Variants in WDR41 observed in about 807,000 individuals in gnomAD.
The protein encoded by WDR41 is WD repeat domain 41, also known as WD repeat-containing protein 41.
Under a neutral mutation model 69.3 loss-of-function variants are expected in WDR41, and 63 were observed. The ratio of observed to expected loss-of-function variants is 0.91; its 90% CI spans 0.74 to 1.12. The LOEUF is 1.12. Among genes scored for constraint, WDR41 ranks in the 50% most tolerant of loss-of-function variants. The probability of loss-of-function intolerance (pLI) is 0.00; values close to 1 mark genes in which losing one functional copy is unlikely to be tolerated. For missense variants in WDR41, 543 were observed against 534.5 expected, an observed-to-expected ratio of 1.02 and a Z score of -0.16; for synonymous variants, 185 against 192.1, an observed-to-expected ratio of 0.96 and a Z score of 0.31.
intron 9 of WDR41, 40 bp from the exon 10 acceptor site, chr5:77,438,401 T>C (rs200395262): frequency 5.9e-5 from 95 of 1,609,472 alleles, no homozygotes; most frequent in Non-Finnish European, 7.5e-5. Flanking sequence ...AAACTAGCAC[T>C]CACCCTTCCT....
intron 1 of WDR41, among the ~76,000 whole-genome samples, chr5:77,554,018 G>C (rs1007289770): frequency 6.6e-6 from 1 of 152,122 alleles, no homozygotes; most frequent in African/African-American, 2.4e-5. Flanking sequence ...ATTTGTTATT[G>C]CTAAAAACTG....
intron 8 of WDR41, among the ~76,000 whole-genome samples, chr5:77,445,309 C>T (rs552712416): frequency 1.8e-4 from 27 of 152,170 alleles, no homozygotes; most frequent in African/African-American, 6.0e-4. Context: ...CAAAAAAAGC[C>T]CAGGACCAGA....
intron 1 of WDR41, among the ~76,000 whole-genome samples, chr5:77,502,616 G>C (rs1802037479): frequency 6.6e-6 from 1 of 152,232 alleles, no homozygotes; most frequent in Admixed American, 6.5e-5. Context: ...AGGGCAGCCA[G>C]AGAGAAAGGT....
chr5:77,449,315 C>CA (rs1411826476), intron 8 of WDR41, among the ~76,000 whole-genome samples: 2 of 152,156 alleles, frequency 1.3e-5, no homozygotes, highest in Admixed American at 6.5e-5. Flanking sequence ...TGAGAGTCTT[C>CA]AACCAGGATT....
intron 2 of WDR41, among the ~76,000 whole-genome samples, chr5:77,467,328 G>T (rs2151329657): frequency 6.6e-6 from 1 of 152,048 alleles, no homozygotes; most frequent in African/African-American, 2.4e-5. Context: ...AGCAAAAAAT[G>T]TATTCAGTGT....
At chr5:77,520,831 A>G (rs541569879) in intron 1 of WDR41, among the ~76,000 whole-genome samples, 98 of 152,330 alleles carry the variant, frequency 6.4e-4, no homozygotes, top group African/African-American at 2.3e-3. Context: ...ACCTAGAAAT[A>G]GACTTTATTT....
chr5:77,598,616 T>G (rs1203660693), intron 1 of WDR41, among the ~76,000 whole-genome samples: 1 of 151,508 alleles, frequency 6.6e-6, no homozygotes, highest in Non-Finnish European at 1.5e-5. Context: ...CAAGCTGGCC[T>G]TTGAAGTTAT....
At chr5:77,473,152 C>T (rs1268853902) in intron 2 of WDR41, among the ~76,000 whole-genome samples, 2 of 152,158 alleles carry the variant, frequency 1.3e-5, no homozygotes, top group African/African-American at 2.4e-5. Flanking sequence ...TATCTACAAC[C>T]ATCTGATCTT....
intron 2 of WDR41, among the ~76,000 whole-genome samples, chr5:77,478,332 A>C (rs537938469): frequency 6.6e-6 from 1 of 152,320 alleles, no homozygotes; most frequent in South Asian, 2.1e-4. Flanking sequence ...TTATGAGGCC[A>C]GCATCATCCT....
At chr5:77,575,849 C>T (rs1743821237) in intron 1 of WDR41, among the ~76,000 whole-genome samples, 1 of 152,120 alleles carries the variant, frequency 6.6e-6, no homozygotes, top group African/African-American at 2.4e-5. Context: ...ATTTTCTGCA[C>T]TATCATATAT....
At chr5:77,606,470 C>G (rs910942172) in intron 1 of WDR41, among the ~76,000 whole-genome samples, 1 of 152,126 alleles carries the variant, frequency 6.6e-6, no homozygotes, top group African/African-American at 2.4e-5. Flanking sequence ...CAAATGGATA[C>G]AGGAACAAAC....
intron 2 of WDR41, among the ~76,000 whole-genome samples, chr5:77,474,706 T>C (rs1174198144): frequency 2.0e-5 from 3 of 152,228 alleles, no homozygotes; most frequent in Non-Finnish European, 4.4e-5. Context: ...AAAGATTGCA[T>C]AGTTCCCATG....
chr5:77,585,127 GA>G (rs537337720), intron 1 of WDR41, among the ~76,000 whole-genome samples: 138 of 137,948 alleles, frequency 1.0e-3, no homozygotes, highest in Non-Finnish European at 1.2e-3. Context: ...AAATCAGTAA[GA>G]AAAAAAAAAA....
At chr5:77,524,680 T>A (rs567080530) in intron 1 of WDR41, among the ~76,000 whole-genome samples, 1 of 152,268 alleles carries the variant, frequency 6.6e-6, no homozygotes. Flanking sequence ...TTCAGTCTAG[T>A]TTTCCTCAAC....
intron 1 of WDR41, among the ~76,000 whole-genome samples, chr5:77,510,275 C>T (rs1328924992): frequency 1.3e-5 from 2 of 152,202 alleles, no homozygotes; most frequent in South Asian, 2.1e-4. Context: ...CATCAGATCT[C>T]GTGAGACCCA....
intron 1 of WDR41, among the ~76,000 whole-genome samples, chr5:77,500,460 A>C (rs1802001194): frequency 6.6e-6 from 1 of 152,196 alleles, no homozygotes; most frequent in African/African-American, 2.4e-5. Context: ...AAAAAATAAA[A>C]GATAAAAATT....
chr5:77,601,026 A>G (rs145664056), intron 1 of WDR41, among the ~76,000 whole-genome samples: 7 of 152,022 alleles, frequency 4.6e-5, no homozygotes, highest in African/African-American at 1.7e-4. Flanking sequence ...AGAAGATCAT[A>G]GTAAGAAAAG....
intron 2 of WDR41, among the ~76,000 whole-genome samples, chr5:77,467,109 T>C (rs748909155): frequency 5.9e-5 from 9 of 151,880 alleles, no homozygotes; most frequent in Non-Finnish European, 8.8e-5. Flanking sequence ...TTGTAAGGTA[T>C]AGTGTAACTG....
At chr5:77,579,752 T>C (rs1018452993) in intron 1 of WDR41, among the ~76,000 whole-genome samples, 7 of 152,240 alleles carry the variant, frequency 4.6e-5, no homozygotes, top group Non-Finnish European at 8.8e-5. Context: ...AAGTTAATTA[T>C]GTAATCAGAA....
Sources: allele counts gnomAD v4.1 joint callset (sites outside exome capture counted in the v4.1 genomes callset), GRCh38; gene constraint gnomAD v4.1.1; transcripts MANE v1.5; gene names NCBI Gene and HGNC (gene_info 2026-07-23, HGNC 2026-07-21).